Variants in PRKCE observed in about 807,000 individuals in gnomAD.
PRKCE encodes the protein protein kinase C epsilon type.
Under a neutral mutation model 85.4 loss-of-function variants are expected in PRKCE, and 16 were observed. That is an observed-to-expected ratio of 0.19 (90% CI 0.13 to 0.28). The LOEUF (loss-of-function observed/expected upper bound fraction) is 0.28, where lower values mean the gene tolerates loss of function less well. Ranked by LOEUF, PRKCE falls within the 10% of genes least tolerant of loss-of-function variation. The pLI, the probability that PRKCE is intolerant of heterozygous loss-of-function variation, is 1.00. For missense variants in PRKCE, 573 were observed against 975.2 expected (o/e 0.59, Z 5.49); for synonymous variants, 388 against 371.5 (o/e 1.04, Z -0.51).
chr2:45,652,286 C>T lies in PRKCE; in HGVS notation c.186C>T (p.Ser62=), dbSNP rs1002875071. ...CGGCCACCAAGCAGAAGACCAACAG[C>T]CCGGCCTGGCACGACGAGTTCGTCA... The part of the protein sequence containing the change: ...GQTATKQKTN[S]PAWHDEFVTD... The change falls in exon 1 of 15, where the codon AGC becomes AGT. Residue 62 remains serine (S), a synonymous_variant. Transcript: ENST00000306156. This position sits in a 1 kb window ranked among gnomAD's most constrained non-coding sequence, Gnocchi z 7.7. The T allele has an allele frequency of 6.2e-7, 1 of 1,613,506 alleles. No homozygotes were observed. Among genetic ancestry groups the T allele is most frequent in the Non-Finnish European group, 8.5e-7 (1 of 1,180,008 alleles).
intron 10 of PRKCE, among the ~76,000 whole-genome samples, chr2:46,063,960 T>G (rs1667381335): frequency 6.6e-6 from 1 of 152,152 alleles, no homozygotes; most frequent in South Asian, 2.1e-4. Context: ...ACATCTTTCA[T>G]TTGCTAACAG....
chr2:46,109,443 G>A (rs1041317929), intron 11 of PRKCE, among the ~76,000 whole-genome samples: 2 of 152,018 alleles, frequency 1.3e-5, no homozygotes, highest in African/African-American at 4.8e-5. Flanking sequence ...TTATACCTAA[G>A]CATGTAATTT....
chr2:45,878,905 C>G (rs1305989837), intron 2 of PRKCE, among the ~76,000 whole-genome samples: 2 of 152,166 alleles, frequency 1.3e-5, no homozygotes, highest in Admixed American at 1.3e-4. Flanking sequence ...AACTTTCTCT[C>G]TGTGGATTTG....
intron 2 of PRKCE, among the ~76,000 whole-genome samples, chr2:45,932,643 C>G (rs892140648): frequency 6.6e-6 from 1 of 152,098 alleles, no homozygotes; most frequent in African/African-American, 2.4e-5. Context: ...GTAAAATATA[C>G]AAAACATTAA....
chr2:45,818,724 G>A (rs1052358016), intron 1 of PRKCE, among the ~76,000 whole-genome samples: 1 of 152,192 alleles, frequency 6.6e-6, no homozygotes, highest in Non-Finnish European at 1.5e-5. Context: ...TTAACACGAG[G>A]AGGTGGAGAC....
At chr2:46,017,416 C>G (rs912491725) in intron 10 of PRKCE, among the ~76,000 whole-genome samples, 1 of 152,222 alleles carries the variant, frequency 6.6e-6, no homozygotes, top group South Asian at 2.1e-4. Context: ...AAATACTATT[C>G]TATCATGTGT....
intron 1 of PRKCE, among the ~76,000 whole-genome samples, chr2:45,815,812 A>T (rs948028678): frequency 6.6e-6 from 1 of 152,198 alleles, no homozygotes; most frequent in African/African-American, 2.4e-5. Context: ...GAACTAGTAG[A>T]TTCTAGTTCT....
intron 2 of PRKCE, among the ~76,000 whole-genome samples, chr2:45,944,371 T>TG (rs1301738436): frequency 6.5e-4 from 99 of 152,342 alleles, no homozygotes; most frequent in African/African-American, 2.4e-3. Flanking sequence ...GTATAGTATC[T>TG]AAGGCACAGC....
At position 46,010,500 on chromosome 2, in the gene PRKCE, T is replaced by G; in HGVS notation, c.1420T>G (p.Cys474Gly). The G allele has an allele frequency of 6.3e-7, 1 of 1,599,696 alleles. No individual in the cohort carries two copies. Among genetic ancestry groups the G allele is most frequent in the Non-Finnish European group, 8.5e-7 (1 of 1,179,920 alleles). Reference sequence around the variant, plus strand: ...ACACCCGTACCTTACCCAACTCTACTGCTGCTTCCAGACCAAGGTATGTTA... The same window carrying G: ...ACACCCGTACCTTACCCAACTCTACGGCTGCTTCCAGACCAAGGTATGTTA... ...RKHPYLTQLY[C>G]CFQTKDRLFF... The change falls in exon 10 of 15, where the codon TGC becomes GGC. Residue 474 changes from cysteine (C) to glycine (G), a missense_variant. Around this residue, in one of 11 missense-constraint regions of PRKCE, gnomAD observed 89 missense variants for 154.1 expected, o/e 0.58. Transcript: ENST00000306156.
intron 1 of PRKCE, among the ~76,000 whole-genome samples, chr2:45,721,852 C>T (rs1441720463): frequency 4.8e-5 from 7 of 147,300 alleles, no homozygotes; most frequent in Admixed American, 2.7e-4. Context: ...GCTGCAGCTG[C>T]GGTGATGGAG....
chr2:45,889,476 CAG>C (rs1558798924), intron 2 of PRKCE, among the ~76,000 whole-genome samples: 1 of 150,542 alleles, frequency 6.6e-6, no homozygotes, highest in Middle Eastern at 3.2e-3. Flanking sequence ...TAATACTTAA[CAG>C]AGTTTGTCTG....
At chr2:45,742,367 C>T (rs1347852246) in intron 1 of PRKCE, among the ~76,000 whole-genome samples, 2 of 151,580 alleles carry the variant, frequency 1.3e-5, no homozygotes, top group Non-Finnish European at 2.9e-5. Flanking sequence ...CCCAGGATTT[C>T]AAGGCTGCGA....
chr2:45,823,285 T>A (rs1241764218), intron 1 of PRKCE, among the ~76,000 whole-genome samples: 3 of 152,226 alleles, frequency 2.0e-5, no homozygotes, highest in African/African-American at 7.2e-5. Flanking sequence ...CCTGGATCTA[T>A]GAGAGTTATC....
intron 13 of PRKCE, among the ~76,000 whole-genome samples, chr2:46,154,763 C>T (rs1677036347): frequency 6.7e-6 from 1 of 148,508 alleles, no homozygotes; most frequent in Non-Finnish European, 1.5e-5. Flanking sequence ...AAAAACTAAA[C>T]CTTGTCCCCT....
intron 1 of PRKCE, among the ~76,000 whole-genome samples, chr2:45,726,356 G>A (rs547378204): frequency 2.0e-5 from 3 of 152,276 alleles, no homozygotes; most frequent in Admixed American, 1.3e-4. Flanking sequence ...AATTGGCATA[G>A]CAATTTCTTG....
At chr2:46,035,545 T>A (rs531227917) in intron 10 of PRKCE, among the ~76,000 whole-genome samples, 1 of 151,926 alleles carries the variant, frequency 6.6e-6, no homozygotes, top group Non-Finnish European at 1.5e-5. Flanking sequence ...AGGGAAGGAG[T>A]GTGTGAAATG....
intron 11 of PRKCE, among the ~76,000 whole-genome samples, chr2:46,115,964 C>T (rs951263791): frequency 2.0e-5 from 3 of 152,174 alleles, no homozygotes; most frequent in African/African-American, 7.2e-5. Context: ...CCTAAAGTTA[C>T]AGAGGAAAGG....
chr2:45,889,004 A>G (rs1573760487), intron 2 of PRKCE, among the ~76,000 whole-genome samples: 1 of 147,046 alleles, frequency 6.8e-6, no homozygotes, highest in African/African-American at 2.7e-5. Context: ...AGATACCCCC[A>G]AAGAGGTAAC....
chr2:45,868,723 G>T (rs1693830063), intron 2 of PRKCE, among the ~76,000 whole-genome samples: 1 of 145,402 alleles, frequency 6.9e-6, no homozygotes, highest in South Asian at 2.3e-4. Context: ...GATCGTCTGA[G>T]GTCAGGAGTT....
Sources: gnomAD v4.1 joint callset for allele counts (sites outside exome capture counted in the v4.1 genomes callset) on GRCh38, gnomAD v4.1.1 for gene constraint, gnomAD v4.1.1 regional missense constraint, Gnocchi (gnomAD v3.1) non-coding constraint, MANE v1.5 for transcripts, NCBI Gene and HGNC (gene_info 2026-07-23, HGNC 2026-07-21) for gene names.